Variants in KHDRBS2 observed in about 807,000 individuals in gnomAD.
KHDRBS2 encodes the protein KH domain-containing, RNA-binding, signal transduction-associated protein 2.
Under a neutral mutation model 44.3 loss-of-function variants are expected in KHDRBS2, and 26 were observed. The ratio of observed to expected loss-of-function variants is 0.59; its 90% CI spans 0.43 to 0.81. The LOEUF is 0.81. Among genes scored for constraint, KHDRBS2 ranks in the 40% least tolerant of loss-of-function variants. The pLI is 0.00. For missense variants in KHDRBS2, 476 were observed against 433.1 expected (o/e 1.10, Z -0.88); for synonymous variants, 194 against 151.1 (o/e 1.28, Z -2.08).
intron 3 of KHDRBS2, among the ~76,000 whole-genome samples, chr6:62,027,347 T>C (rs1385559294): frequency 6.6e-6 from 1 of 152,166 alleles, no homozygotes; most frequent in African/African-American, 2.4e-5. Context: ...AGGACTGTGA[T>C]ATAGTAAGAA....
the KHDRBS2 span, among the ~76,000 whole-genome samples, chr6:61,564,724 T>C: frequency 6.6e-6 from 1 of 152,092 alleles, no homozygotes; most frequent in Non-Finnish European, 1.5e-5. Context: ...GTAAAATGTT[T>C]CAGTATTGAA....
chr6:61,550,871 C>T, the KHDRBS2 span, among the ~76,000 whole-genome samples: 2 of 147,692 alleles, frequency 1.4e-5, no homozygotes, highest in African/African-American at 5.0e-5. Context: ...CTCCTGGGTT[C>T]AAGTGATTCT....
At chr6:61,935,063 T>G (rs1470198217) in intron 4 of KHDRBS2, among the ~76,000 whole-genome samples, 2 of 152,200 alleles carry the variant, frequency 1.3e-5, no homozygotes, top group African/African-American at 4.8e-5. Flanking sequence ...AGAAGAATTG[T>G]GGATGAAGGG....
At chr6:62,152,700 T>C (rs76080417) in intron 2 of KHDRBS2, among the ~76,000 whole-genome samples, 2 of 152,190 alleles carry the variant, frequency 1.3e-5, no homozygotes, top group East Asian at 1.9e-4. Flanking sequence ...TAAATCCTCA[T>C]TGAGGTCCAT....
At chr6:62,147,365 G>A (rs1449111577) in intron 2 of KHDRBS2, among the ~76,000 whole-genome samples, 1 of 151,910 alleles carries the variant, frequency 6.6e-6, no homozygotes, top group Non-Finnish European at 1.5e-5. Context: ...TAGTGAGCTA[G>A]TGTTCTCCAA....
chr6:61,739,745 A>G (rs1031655489), intron 6 of KHDRBS2, among the ~76,000 whole-genome samples: 2 of 151,932 alleles, frequency 1.3e-5, no homozygotes, highest in African/African-American at 4.8e-5. Context: ...AGCTGATTTT[A>G]AGCTATCACC....
chr6:61,916,909 C>CCAGAA (rs1437482164), intron 4 of KHDRBS2, among the ~76,000 whole-genome samples: 1 of 150,550 alleles, frequency 6.6e-6, no homozygotes, highest in Admixed American at 6.6e-5. Context: ...TACGGAAAAT[C>CCAGAA]CAGAACACTG....
At chr6:62,050,382 A>G (rs1788727682) in intron 2 of KHDRBS2, among the ~76,000 whole-genome samples, 2 of 151,620 alleles carry the variant, frequency 1.3e-5, no homozygotes, top group Admixed American at 6.6e-5. Flanking sequence ...GTGTATACCT[A>G]TGTAACAAAC....
At chr6:62,224,660 AGG>A (rs1831465640) in intron 1 of KHDRBS2, among the ~76,000 whole-genome samples, 1 of 152,228 alleles carries the variant, frequency 6.6e-6, no homozygotes, top group African/African-American at 2.4e-5. Context: ...ATATTTAAAA[AGG>A]TATCAGTCCA....
intron 6 of KHDRBS2, among the ~76,000 whole-genome samples, chr6:61,857,697 T>C (rs1041254821): frequency 3.3e-5 from 5 of 152,020 alleles, no homozygotes; most frequent in African/African-American, 1.2e-4. Flanking sequence ...TTGTAGCTTT[T>C]GGAATTGATT....
intron 1 of KHDRBS2, among the ~76,000 whole-genome samples, chr6:62,227,885 G>T (rs986250220): frequency 3.3e-5 from 5 of 152,080 alleles, no homozygotes; most frequent in Non-Finnish European, 7.4e-5. Context: ...ATTTGATCAG[G>T]GTGGACAAGC....
chr6:61,778,701 T>G (rs1242065201), intron 6 of KHDRBS2, among the ~76,000 whole-genome samples: 1 of 152,196 alleles, frequency 6.6e-6, no homozygotes, highest in Admixed American at 6.6e-5. Flanking sequence ...TCTTTTGCTC[T>G]TCCATCAGTC....
At chr6:61,594,486 AG>A in the KHDRBS2 span, among the ~76,000 whole-genome samples, 1 of 152,098 alleles carries the variant, frequency 6.6e-6, no homozygotes, top group African/African-American at 2.4e-5. Flanking sequence ...ATTTGCAAAA[AG>A]TTTTTAGGAA....
chr6:61,826,531 T>G (rs755457085), intron 6 of KHDRBS2, among the ~76,000 whole-genome samples: 8 of 152,064 alleles, frequency 5.3e-5, no homozygotes, highest in Non-Finnish European at 1.2e-4. Flanking sequence ...TACTGGCTTC[T>G]GGCTACTTCA....
chr6:61,590,462 T>A, the KHDRBS2 span, among the ~76,000 whole-genome samples: 3 of 152,190 alleles, frequency 2.0e-5, no homozygotes, highest in African/African-American at 7.2e-5. Flanking sequence ...AGATAAAATA[T>A]TTTTGGAGTC....
the KHDRBS2 span, among the ~76,000 whole-genome samples, chr6:61,652,539 G>C: frequency 6.6e-6 from 1 of 152,006 alleles, no homozygotes; most frequent in Non-Finnish European, 1.5e-5. Flanking sequence ...CAAGTGCTAT[G>C]AAGGAAATGA....
chr6:61,767,346 T>A (rs9362866), intron 6 of KHDRBS2, among the ~76,000 whole-genome samples: 54,514 of 151,844 alleles, frequency 0.36, 10,490 homozygotes, highest in East Asian at 0.48. Context: ...TCTGTGTGTG[T>A]CTTCATAGTT....
chr6:62,025,537 TA>T (rs1554334541), intron 3 of KHDRBS2, among the ~76,000 whole-genome samples: 1 of 151,962 alleles, frequency 6.6e-6, no homozygotes, highest in Non-Finnish European at 1.5e-5. Context: ...AAATTTTTTT[TA>T]AATAATACAA....
intron 6 of KHDRBS2, among the ~76,000 whole-genome samples, chr6:61,874,025 ACT>A (rs770228920): frequency 1.3e-5 from 2 of 151,828 alleles, no homozygotes; most frequent in Non-Finnish European, 2.9e-5. Flanking sequence ...AATGGTATGA[ACT>A]CTCTCTATAT....
Sources: allele counts gnomAD v4.1 joint callset (sites outside exome capture counted in the v4.1 genomes callset), GRCh38; gene constraint gnomAD v4.1.1; transcripts MANE v1.5; gene names NCBI Gene and HGNC (gene_info 2026-07-23, HGNC 2026-07-21).